Variants in LZTFL1 observed in about 807,000 individuals in gnomAD.
The protein encoded by LZTFL1 is leucine zipper transcription factor like 1.
In LZTFL1, 25 loss-of-function variants were observed where a neutral mutation model predicts 45.9. The observed-to-expected ratio is 0.54, with a 90% CI of 0.40 to 0.76. The LOEUF (loss-of-function observed/expected upper bound fraction) is 0.76, where lower values mean the gene tolerates loss of function less well. LZTFL1 is among the 30% of genes least tolerant of loss of function. The pLI is 0.00. For synonymous variants in LZTFL1, 93 were observed against 117.4 expected (o/e 0.79, Z 1.35); for missense variants, 277 against 331.1 (o/e 0.84, Z 1.27).
At chr3:45,845,698 T>C (rs1305728023), upstream of LZTFL1, among the ~76,000 whole-genome samples, 1 of 152,218 alleles carries the variant, frequency 6.6e-6, no homozygotes, top group Non-Finnish European at 1.5e-5. Flanking sequence ...AATGTTTCCA[T>C]GGACTTCTGG....
At position 45,901,659 on chromosome 3, in the gene LZTFL1, G is replaced by A. The variant is rs201135152; in HGVS notation, c.-215+11461C>T. 80 of 1,613,780 alleles carry A rather than the reference G, an allele frequency of 5.0e-5. No homozygotes were observed. The highest frequency in any genetic ancestry group is 1.9e-4 in the African/African-American group (14 of 74,914). On this transcript the variant is annotated intron_variant, in intron 2 of 4. Transcript: ENST00000472635. The surrounding 1 kb of genome is among the most constrained non-coding windows in gnomAD (Gnocchi z 4.3). ...TGCCATGTTCATCTCCAACTGTGCC[G>A]TTTCCACCAACATTGACATCTGCTT...
At chr3:45,897,706 C>G (rs1301410260) in intron 2 of LZTFL1, 1 of 1,099,098 alleles carries the variant, frequency 9.1e-7, no homozygotes, top group Non-Finnish European at 1.3e-6. Flanking sequence ...GAACCAAAGT[C>G]GTCCCTTGTG....
intron 2 of LZTFL1, among the ~76,000 whole-genome samples, chr3:45,882,940 A>G (rs965888317): frequency 1.3e-5 from 2 of 152,110 alleles, no homozygotes; most frequent in Non-Finnish European, 2.9e-5. Flanking sequence ...TTGTGGACAG[A>G]TCGTTTTAGA....
intron 3 of LZTFL1, among the ~76,000 whole-genome samples, chr3:45,857,008 T>G (rs1701404069): frequency 6.6e-6 from 1 of 152,164 alleles, no homozygotes; most frequent in Non-Finnish European, 1.5e-5. Context: ...GACCCAGCAA[T>G]CCCACTACTG....
chr3:45,840,138 T>C (rs746967440), intron 1 of LZTFL1, among the ~76,000 whole-genome samples: 1 of 152,128 alleles, frequency 6.6e-6, no homozygotes, highest in African/African-American at 2.4e-5. Context: ...TTCCTTTCCC[T>C]CCTTTCAAGG....
At chr3:45,907,623 G>A (rs1410175050) in intron 2 of LZTFL1, among the ~76,000 whole-genome samples, 1 of 152,206 alleles carries the variant, frequency 6.6e-6, no homozygotes, top group Non-Finnish European at 1.5e-5. Context: ...TGCTGATGTG[G>A]CTCGCTGCGT....
intron 1 of LZTFL1, among the ~76,000 whole-genome samples, chr3:45,914,452 T>C (rs1702859129): frequency 6.6e-6 from 1 of 152,116 alleles, no homozygotes; most frequent in South Asian, 2.1e-4. Context: ...TGAATTTTTT[T>C]TGGTAGAGAC....
At chr3:45,865,966 C>A (rs1049535090) in intron 2 of LZTFL1, among the ~76,000 whole-genome samples, 3 of 152,112 alleles carry the variant, frequency 2.0e-5, no homozygotes, top group African/African-American at 7.2e-5. Flanking sequence ...TAATAGGAAA[C>A]AACTATTGGT....
Position 45,837,982 on chromosome 3 carries a change from T to C in LZTFL1, c.73A>G (p.Arg25Gly). The change falls in exon 2 of 10, where the codon AGA (arginine) becomes GGA (glycine). Residue 25 changes from arginine to glycine, a missense_variant. Transcript: ENST00000296135. ...TCTACAGTTTTGAGTCTCAAGCCTC[T>C]CTTTGAACGAGCAAAACGCATATAA... ...INYMRFARSKRGLRLKTVDSC... is the reference protein window; with the variant it reads ...INYMRFARSKGGLRLKTVDSC... 1 of 1,613,920 alleles carries C rather than the reference T, an allele frequency of 6.2e-7. No homozygotes were observed. Among genetic ancestry groups the C allele is most frequent in the Non-Finnish European group, 8.5e-7 (1 of 1,179,950 alleles).
intron 2 of LZTFL1, among the ~76,000 whole-genome samples, chr3:45,892,581 G>C (rs1029777004): frequency 6.6e-6 from 1 of 152,122 alleles, no homozygotes; most frequent in Admixed American, 6.5e-5. Context: ...AGGTAGGAGG[G>C]TGAGGATAAA....
intron 1 of LZTFL1, among the ~76,000 whole-genome samples, 167 bp from the exon 2 acceptor site, chr3:45,838,218 G>C (rs1701014865): frequency 6.6e-6 from 1 of 151,928 alleles, no homozygotes; most frequent in African/African-American, 2.4e-5. Flanking sequence ...ACACTTCCTT[G>C]CCCTCCTTGC....
At chr3:45,879,916 G>A (rs1173994988) in intron 2 of LZTFL1, among the ~76,000 whole-genome samples, 1 of 152,194 alleles carries the variant, frequency 6.6e-6, no homozygotes, top group East Asian at 1.9e-4. Flanking sequence ...AGTGAATAAT[G>A]ATGGTCATCA....
chr3:45,826,368 C>T (rs757525943), intron 9 of LZTFL1, 36 bp from the exon 10 acceptor site: 1 of 1,569,946 alleles, frequency 6.4e-7, no homozygotes, highest in East Asian at 2.2e-5. Context: ...TGTCAGGATA[C>T]CTTTTGTTGT....
chr3:45,885,382 T>G (rs148703467), intron 2 of LZTFL1, among the ~76,000 whole-genome samples: 9 of 152,358 alleles, frequency 5.9e-5, no homozygotes, highest in Non-Finnish European at 8.8e-5. Flanking sequence ...TCTGTGATCT[T>G]CATTAAAAAT....
At chr3:45,830,879 A>C in intron 7 of LZTFL1, 34 bp downstream of exon 7, 1 of 1,580,002 alleles carries the variant, frequency 6.3e-7, no homozygotes, top group Non-Finnish European at 8.7e-7. Flanking sequence ...TTCTACTTAG[A>C]AAATGTGAGA....
intron 2 of LZTFL1, among the ~76,000 whole-genome samples, chr3:45,896,755 A>AT (rs1168199581): frequency 6.6e-6 from 1 of 151,860 alleles, no homozygotes; most frequent in African/African-American, 2.4e-5. Flanking sequence ...TAACAAATTC[A>AT]TTTTTTCCCC....
At chr3:45,844,745 T>C (rs1490652246), upstream of LZTFL1, among the ~76,000 whole-genome samples, 1 of 152,152 alleles carries the variant, frequency 6.6e-6, no homozygotes. Flanking sequence ...AGATATGCAT[T>C]TGAGTAGGCC....
At chr3:45,898,024 TAAC>T (rs1246427630) in intron 2 of LZTFL1, among the ~76,000 whole-genome samples, 1 of 125,618 alleles carries the variant, frequency 8.0e-6, no homozygotes, top group African/African-American at 2.9e-5. Context: ...AACCCACAAA[TAAC>T]AAAAAAAAAA....
intron 2 of LZTFL1, among the ~76,000 whole-genome samples, chr3:45,889,813 T>C (rs556743609): frequency 1.3e-5 from 2 of 152,168 alleles, no homozygotes; most frequent in East Asian, 3.9e-4. Context: ...ACATGGTTTA[T>C]TGGATTGATG....
Sources: allele counts gnomAD v4.1 joint callset (sites outside exome capture counted in the v4.1 genomes callset), GRCh38; gene constraint gnomAD v4.1.1; non-coding constraint Gnocchi (gnomAD v3.1); transcripts MANE v1.5; gene names NCBI Gene and HGNC (gene_info 2026-07-23, HGNC 2026-07-21).